Variants in IKZF3 observed in about 807,000 individuals in gnomAD.
IKZF3 encodes the protein IKAROS family zinc finger 3.
Under a neutral mutation model 49.0 loss-of-function variants are expected in IKZF3, and 10 were observed. The observed-to-expected ratio is 0.20, with a 90% confidence interval of 0.13 to 0.35. The LOEUF (loss-of-function observed/expected upper bound fraction) is 0.35. IKZF3 is among the 10% of genes least tolerant of loss of function. The pLI is 1.00. For missense variants in IKZF3, 498 were observed against 664.8 expected (o/e 0.75, Z 2.76); for synonymous variants, 209 against 228.2 (o/e 0.92, Z 0.76).
intron 5 of IKZF3, 83 bp from the exon 6 acceptor site, chr17:39,788,457 A>C (rs1280204078): frequency 1.3e-6 from 1 of 797,050 alleles, no homozygotes; most frequent in Admixed American, 2.0e-5. Flanking sequence ...ACAACTGTTC[A>C]CTAGAAATGA....
intron 1 of IKZF3, chr17:39,839,441 C>A: frequency 1.7e-6 from 1 of 591,130 alleles, no homozygotes. Flanking sequence ...CAGTTTTCAT[C>A]TAAATCCACT....
Position 39,765,656 on chromosome 17 carries a change from C to G in IKZF3, c.*134G>C. The G allele has an allele frequency of 1.6e-6, 1 of 632,366 alleles. No individual in the cohort carries two copies. The highest frequency in any genetic ancestry group is 2.7e-5 in the East Asian group (1 of 36,822). The allele number at this position is 632,366 out of a possible 1,614,324, so 39.2% of individuals were successfully genotyped here. A position where few individuals can be genotyped will look rare whatever the true frequency, so the allele number is the denominator to read the frequency against. The stretch of plus-strand genomic sequence containing the variant: ...GGAAGACAGTGTTTCCCTGGCTACC[C>G]CTGTGAACACAGCTAAAAATGGTAT... On this transcript the variant is annotated 3_prime_UTR_variant, in exon 8 of 8. Transcript: ENST00000346872.
intron 3 of IKZF3, among the ~76,000 whole-genome samples, chr17:39,818,934 C>T (rs2144175204): frequency 7.0e-6 from 1 of 143,802 alleles, no homozygotes; most frequent in Non-Finnish European, 1.5e-5. Context: ...TTCTCTTTCC[C>T]AAATTATTTA....
chr17:39,810,210 A>T (rs1168455542), intron 3 of IKZF3, among the ~76,000 whole-genome samples: 1 of 152,174 alleles, frequency 6.6e-6, no homozygotes, highest in Non-Finnish European at 1.5e-5. Flanking sequence ...AGTGGTTGGC[A>T]TTTTTCAAAT....
At position 39,835,085 on chromosome 17, in the gene IKZF3, A is replaced by T; in HGVS notation, c.8-2934T>A. 3 of 435,106 alleles carry T rather than the reference A, an allele frequency of 6.9e-6. 1 individual carries two copies. Among genetic ancestry groups the T allele is most frequent in the South Asian group, 5.1e-5 (3 of 58,946 alleles). 27.0% of individuals were successfully genotyped at this position (435,106 alleles called of 1,614,324 possible). ...AGGAGCTGGAGCCCCCGCCAGAGCC[A>T]AAGCTGGATCCCAAGCCATAGCTGA... is the stretch of plus-strand genomic sequence containing the variant. On this transcript the variant is annotated intron_variant, in intron 1 of 7. Coordinates refer to ENST00000346872, the MANE Select transcript of IKZF3 (RefSeq NM_012481.5).
intron 3 of IKZF3, among the ~76,000 whole-genome samples, chr17:39,811,675 T>G (rs2061564828): frequency 6.6e-6 from 1 of 152,224 alleles, no homozygotes; most frequent in South Asian, 2.1e-4. Flanking sequence ...CATGCTGTTC[T>G]TCACTTTAGT....
chr17:39,772,956 C>T lies in IKZF3; in HGVS notation c.826+4695G>A, dbSNP rs138518212. 8.6e-3 allele frequency among the ~76,000 whole-genome samples: 1,313 copies of T among 152,278 alleles called. 19 individuals carry two copies. Among genetic ancestry groups the T allele is most frequent in the African/African-American group, 0.03 (1,254 of 41,536 alleles). On this transcript the variant is annotated intron_variant, in intron 7 of 7. Transcript: ENST00000346872. ...TCAGCCTCCCAAATAGTTGGGATTACAGGCACCCACCACCACACCTGGCTA... is the reference window on the plus strand; with the variant it reads ...TCAGCCTCCCAAATAGTTGGGATTATAGGCACCCACCACCACACCTGGCTA...
chr17:39,798,033 C>G (rs1398681816), intron 3 of IKZF3, among the ~76,000 whole-genome samples: 1 of 152,102 alleles, frequency 6.6e-6, no homozygotes, highest in Non-Finnish European at 1.5e-5. Flanking sequence ...TCTTTCCTTT[C>G]TCCTGATTGG....
At chr17:39,858,551 C>T (rs2063131709) in intron 1 of IKZF3, among the ~76,000 whole-genome samples, 1 of 152,090 alleles carries the variant, frequency 6.6e-6, no homozygotes, top group Non-Finnish European at 1.5e-5. Flanking sequence ...CACACTGTCA[C>T]CCAGGCTGGA....
intron 7 of IKZF3, among the ~76,000 whole-genome samples, chr17:39,772,480 A>C (rs546938670): frequency 6.6e-6 from 1 of 152,356 alleles, no homozygotes; most frequent in African/African-American, 2.4e-5. Context: ...AAATGAACAA[A>C]AAAGGCAGGA....
intron 7 of IKZF3, among the ~76,000 whole-genome samples, chr17:39,774,641 AG>A (rs1418309267): frequency 4.6e-5 from 7 of 152,176 alleles, no homozygotes; most frequent in African/African-American, 1.7e-4. Flanking sequence ...ACAAAAGTTT[AG>A]GATATAAGTT....
chr17:39,784,130 T>C (rs9652839), intron 6 of IKZF3, among the ~76,000 whole-genome samples: 146,624 of 152,280 alleles, frequency 0.96, 70,830 homozygotes, highest in East Asian at 1. Flanking sequence ...TATTCAATTA[T>C]TTAAAAATAT....
intron 1 of IKZF3, among the ~76,000 whole-genome samples, chr17:39,833,857 A>G (rs570760185): frequency 6.6e-6 from 1 of 152,312 alleles, no homozygotes; most frequent in Admixed American, 6.5e-5. Flanking sequence ...TTATATTAGT[A>G]TGGTACATCA....
intron 3 of IKZF3, among the ~76,000 whole-genome samples, chr17:39,820,884 A>T (rs373079619): frequency 6.6e-6 from 1 of 152,044 alleles, no homozygotes; most frequent in South Asian, 2.1e-4. Flanking sequence ...GAGTCCTATA[A>T]ACGTTCTTGA....
chr17:39,786,304 G>A (rs1252258091), intron 6 of IKZF3, among the ~76,000 whole-genome samples: 1 of 152,084 alleles, frequency 6.6e-6, no homozygotes, highest in Non-Finnish European at 1.5e-5. Context: ...CTGAATTTTG[G>A]GCGAGTCTCA....
chr17:39,791,404 T>C lies in IKZF3; in HGVS notation c.592+12A>G. ...ACTTCCTAGACAAGGAATGCTCATTTCTCTCACTTACCAGAATGTGTCCTA... is the reference window on the plus strand; with the variant it reads ...ACTTCCTAGACAAGGAATGCTCATTCCTCTCACTTACCAGAATGTGTCCTA... On this transcript the variant is annotated intron_variant, in intron 5 of 7. Coordinates refer to ENST00000346872, the MANE Select transcript of IKZF3 (RefSeq NM_012481.5). 1 of 1,613,410 alleles carries C rather than the reference T, an allele frequency of 6.2e-7. No individual in the cohort carries two copies.
rs2060202497 is a variant in IKZF3, at chr17:39,762,452, C to A, written c.*3338G>T. On this transcript the variant is annotated 3_prime_UTR_variant, in exon 8 of 8. Transcript: ENST00000346872. ...CAAAGAAAGTGCCTTTGTGAGTGGTCACCTTACTCAGAAAACTAACCTCAG... is the reference window on the plus strand; with the variant it reads ...CAAAGAAAGTGCCTTTGTGAGTGGTAACCTTACTCAGAAAACTAACCTCAG... 1 of 152,180 alleles carries A rather than the reference C, an allele frequency of 6.6e-6. No homozygotes were observed. The highest frequency in any genetic ancestry group is 1.5e-5 in the Non-Finnish European group (1 of 68,046). The allele number at this position is 152,180 out of a possible 1,614,324, so 9.4% of individuals were successfully genotyped here. A position where few individuals can be genotyped will look rare whatever the true frequency, so the allele number is the denominator to read the frequency against.
intron 1 of IKZF3, among the ~76,000 whole-genome samples, chr17:39,841,676 G>A (rs2062471786): frequency 6.6e-6 from 1 of 152,110 alleles, no homozygotes; most frequent in South Asian, 2.1e-4. Context: ...TGAGAGAAGG[G>A]AGTTACAAAT....
At chr17:39,846,609 G>A (rs1469191699) in intron 1 of IKZF3, among the ~76,000 whole-genome samples, 1 of 151,352 alleles carries the variant, frequency 6.6e-6, no homozygotes, top group East Asian at 1.9e-4. Context: ...AGATTTCATG[G>A]AAGTTCACAT....
Sources: gnomAD v4.1 joint callset for allele counts (sites outside exome capture counted in the v4.1 genomes callset) on GRCh38, gnomAD v4.1.1 for gene constraint, MANE v1.5 for transcripts, NCBI Gene and HGNC (gene_info 2026-07-23, HGNC 2026-07-21) for gene names.